Variants in TAFA5 observed in about 807,000 individuals in gnomAD.
TAFA5 encodes chemokine-like protein TAFA-5.
TAFA5 carries 6 observed loss-of-function variants against 15.3 expected under a neutral mutation model. That is an observed-to-expected ratio of 0.39 (90% CI 0.21 to 0.77). The LOEUF (loss-of-function observed/expected upper bound fraction) is 0.77. TAFA5 is among the 30% of genes least tolerant of loss of function. The pLI, the probability that TAFA5 is intolerant of heterozygous loss-of-function variation, is 0.41. For missense variants in TAFA5, 161 were observed against 193.1 expected (o/e 0.83, Z 0.98); for synonymous variants, 103 against 80.7 (o/e 1.28, Z -1.48).
At chr22:48,518,994 C>T (rs1300965609) in intron 1 of TAFA5, among the ~76,000 whole-genome samples, 1 of 152,206 alleles carries the variant, frequency 6.6e-6, no homozygotes, top group East Asian at 1.9e-4. Flanking sequence ...GGAGGGAGGG[C>T]TCACGTCTGC....
intron 1 of TAFA5, among the ~76,000 whole-genome samples, chr22:48,532,912 T>G (rs1002305184): frequency 6.6e-6 from 1 of 152,158 alleles, no homozygotes; most frequent in African/African-American, 2.4e-5. Flanking sequence ...CTTCTCCATG[T>G]CCAGGGTGAG....
intron 1 of TAFA5, chr22:48,576,357 G>A (rs1923800172): frequency 8.2e-7 from 1 of 1,215,938 alleles, no homozygotes; most frequent in Non-Finnish European, 1.0e-6. Context: ...GCGGAGCGCG[G>A]CGTTGGCGGC....
rs1458095893 is a variant in TAFA5, at chr22:48,560,323, G to T, written c.112+70619G>T. On this transcript the variant is annotated intron_variant, in intron 1 of 3. Coordinates refer to ENST00000402357, the MANE Select transcript of TAFA5 (RefSeq NM_001082967.3). This position sits in a 1 kb window ranked among gnomAD's most constrained non-coding sequence, Gnocchi z 4.2. ...TTGGTGTGGCCACTGCACTGGTGTG[G>T]CCCTGGCATTCATATGGCCCCAGCA... is the stretch of plus-strand genomic sequence containing the variant. Among the ~76,000 whole-genome samples the T allele has an allele frequency of 6.6e-6, 1 of 152,192 alleles. No homozygotes were observed. The highest frequency in any genetic ancestry group is 2.4e-5 in the African/African-American group (1 of 41,456).
At chr22:48,507,853 C>T (rs1027719443) in intron 1 of TAFA5, among the ~76,000 whole-genome samples, 81 of 152,148 alleles carry the variant, frequency 5.3e-4, no homozygotes, top group African/African-American at 1.7e-3. Flanking sequence ...TGAGGAGCTC[C>T]GTGGGCCAGG....
chr22:48,495,400 C>T (rs1928290858), intron 1 of TAFA5, among the ~76,000 whole-genome samples: 1 of 152,214 alleles, frequency 6.6e-6, no homozygotes, highest in East Asian at 1.9e-4. Flanking sequence ...GATGGGGGAG[C>T]AGCCTGGGCT....
intron 1 of TAFA5, among the ~76,000 whole-genome samples, chr22:48,553,140 G>T (rs146632949): frequency 6.6e-6 from 1 of 152,240 alleles, no homozygotes; most frequent in Non-Finnish European, 1.5e-5. Context: ...CTCCTGACTT[G>T]TGTGATCCCA....
At chr22:48,501,316 A>G (rs1259873350) in intron 1 of TAFA5, among the ~76,000 whole-genome samples, 1 of 152,144 alleles carries the variant, frequency 6.6e-6, no homozygotes, top group Non-Finnish European at 1.5e-5. Flanking sequence ...TGACTCCCCA[A>G]CCTGCTCTGA....
At chr22:48,527,935 T>C (rs896212828) in intron 1 of TAFA5, among the ~76,000 whole-genome samples, 7 of 152,218 alleles carry the variant, frequency 4.6e-5, no homozygotes, top group African/African-American at 1.7e-4. Flanking sequence ...GGCGCGCTCT[T>C]CTTCAGGCAC....
intron 3 of TAFA5, among the ~76,000 whole-genome samples, chr22:48,743,228 G>A (rs1258140156): frequency 6.6e-6 from 1 of 152,116 alleles, no homozygotes; most frequent in East Asian, 1.9e-4. Context: ...CCGGTTCGGG[G>A]GTCCAGACGT....
chr22:48,723,030 G>A (rs536530020), intron 3 of TAFA5, among the ~76,000 whole-genome samples: 68 of 152,238 alleles, frequency 4.5e-4, no homozygotes, highest in African/African-American at 1.5e-3. Flanking sequence ...TAGCCCCAAG[G>A]CCGCCCTCTA....
At chr22:48,514,608 C>T (rs758255815) in intron 1 of TAFA5, among the ~76,000 whole-genome samples, 13 of 152,028 alleles carry the variant, frequency 8.6e-5, no homozygotes, top group Non-Finnish European at 1.6e-4. Flanking sequence ...GCTTATAAGC[C>T]GGGCAGCATG....
At chr22:48,733,367 C>T (rs1310650446) in intron 3 of TAFA5, among the ~76,000 whole-genome samples, 1 of 152,196 alleles carries the variant, frequency 6.6e-6, no homozygotes, top group African/African-American at 2.4e-5. Context: ...CTTCAGCCTC[C>T]AGCTCTGAGA....
chr22:48,674,984 A>G (rs1927926841), intron 2 of TAFA5, among the ~76,000 whole-genome samples: 1 of 148,866 alleles, frequency 6.7e-6, no homozygotes, highest in Non-Finnish European at 1.5e-5. Flanking sequence ...TCTGTCACCC[A>G]GGCTTGGAGT....
At chr22:48,702,880 A>C (rs1303916356) in intron 2 of TAFA5, among the ~76,000 whole-genome samples, 1 of 152,212 alleles carries the variant, frequency 6.6e-6, no homozygotes, top group Non-Finnish European at 1.5e-5. Context: ...GGGTGAGCCC[A>C]GCTCCTGCCG....
At chr22:48,682,676 T>G (rs984286581) in intron 2 of TAFA5, among the ~76,000 whole-genome samples, 1 of 152,226 alleles carries the variant, frequency 6.6e-6, no homozygotes, top group Admixed American at 6.5e-5. Flanking sequence ...TCATTGTCGC[T>G]GTATTGACAA....
At chr22:48,665,262 G>C (rs538760012) in intron 2 of TAFA5, among the ~76,000 whole-genome samples, 7 of 152,230 alleles carry the variant, frequency 4.6e-5, no homozygotes, top group Admixed American at 2.6e-4. Context: ...TTGAGTTGCT[G>C]GTCCTTTTGT....
chr22:48,616,146 C>T (rs180709975), intron 1 of TAFA5, among the ~76,000 whole-genome samples: 1 of 152,110 alleles, frequency 6.6e-6, no homozygotes, highest in Admixed American at 6.5e-5. Flanking sequence ...GCTCACCAGC[C>T]CCGGGGCTGC....
chr22:48,506,121 C>T (rs898465839), intron 1 of TAFA5, among the ~76,000 whole-genome samples: 4 of 152,196 alleles, frequency 2.6e-5, no homozygotes, highest in Admixed American at 1.3e-4. Flanking sequence ...CACTCCCTGT[C>T]TCCAGGGTGC....
chr22:48,539,314 A>T, intron 1 of TAFA5: 1 of 466,980 alleles, frequency 2.1e-6, no homozygotes, highest in Admixed American at 2.4e-5. Flanking sequence ...TATTTGCCAG[A>T]TAATCGGAGG....
Sources: allele counts gnomAD v4.1 joint callset (sites outside exome capture counted in the v4.1 genomes callset), GRCh38; gene constraint gnomAD v4.1.1; non-coding constraint Gnocchi (gnomAD v3.1); transcripts MANE v1.5; gene names NCBI Gene and HGNC (gene_info 2026-07-23, HGNC 2026-07-21).